Variants in SH3TC1 observed in about 807,000 individuals in gnomAD.
The protein encoded by SH3TC1 is SH3 domain and tetratricopeptide repeat-containing protein 1.
A neutral mutation model predicts 117.3 loss-of-function variants in SH3TC1; 135 were observed. The observed-to-expected ratio is 1.15, with a 90% CI of 1.00 to 1.33. The LOEUF is 1.33. Among genes scored for constraint, SH3TC1 ranks in the 40% most tolerant of loss-of-function variants. SH3TC1 has a pLI of 0.00. For synonymous variants in SH3TC1, 898 were observed against 816.9 expected (o/e 1.10, Z -1.69); for missense variants, 2,092 against 1,794.3 (o/e 1.17, Z -3.00).
At chr4:8,239,429 T>C (rs2152999623) in intron 17 of SH3TC1, among the ~76,000 whole-genome samples, 2 of 106,510 alleles carry the variant, frequency 1.9e-5, no homozygotes, top group South Asian at 5.5e-4. Context: ...CACAGGCACA[T>C]GCACACACAC....
chr4:8,190,197 T>C lies in SH3TC1; in HGVS notation c.-57+7987T>C, dbSNP rs1717373153. ...GCAGGGAGTCTGCAGGAATCCCCCT[T>C]GGAGCCCTCCTCCCCTCTGCCTGCT... On this transcript the variant is annotated intron_variant, in intron 1 of 16. Transcript: ENST00000508641. The surrounding 1 kb of genome is among the most constrained non-coding windows in gnomAD (Gnocchi z 4.7). Among the ~76,000 whole-genome samples the C allele has an allele frequency of 6.6e-6, 1 of 152,198 alleles. No individual in the cohort carries two copies. Among genetic ancestry groups the C allele is most frequent in the African/African-American group, 2.4e-5 (1 of 41,462 alleles).
intron 4 of SH3TC1, among the ~76,000 whole-genome samples, chr4:8,213,566 C>T (rs983579631): frequency 1.3e-5 from 2 of 152,160 alleles, no homozygotes; most frequent in Admixed American, 1.3e-4. Flanking sequence ...GGGTTTGAAT[C>T]TCAGCTGAGC....
intron 1 of SH3TC1, among the ~76,000 whole-genome samples, chr4:8,191,340 C>T (rs919737733): frequency 5.3e-5 from 8 of 152,204 alleles, no homozygotes; most frequent in East Asian, 1.9e-4. Flanking sequence ...AGCCCAGGCA[C>T]GAGAACTGCT....
At chr4:8,203,586 C>A (rs1441341043) in intron 1 of SH3TC1, among the ~76,000 whole-genome samples, 1 of 152,046 alleles carries the variant, frequency 6.6e-6, no homozygotes, top group Non-Finnish European at 1.5e-5. Flanking sequence ...CTAACGCAGG[C>A]CCAGCTTGCC....
At chr4:8,216,315 T>A in intron 6 of SH3TC1, 58 bp downstream of exon 6, 1 of 1,575,642 alleles carries the variant, frequency 6.3e-7, no homozygotes, top group Non-Finnish European at 8.6e-7. Context: ...TCCCGGGCCA[T>A]GGGGTGACAG....
Position 8,205,425 on chromosome 4 carries a change from C to T in SH3TC1, c.172+59C>T, listed in dbSNP as rs193042513. 379 of 1,532,096 alleles carry T rather than the reference C, an allele frequency of 2.5e-4. 5 individuals carry two copies. In the East Asian group the frequency reaches 7.6e-3, roughly 31 times the overall value. The allele number at this position is 1,532,096 out of a possible 1,614,324, so 94.9% of individuals were successfully genotyped here. A position where few individuals can be genotyped will look rare whatever the true frequency, so the allele number is the denominator to read the frequency against. On this transcript the variant is annotated intron_variant, in intron 2 of 17. Coordinates refer to ENST00000245105, the MANE Select transcript of SH3TC1 (RefSeq NM_018986.5). This position sits in a 1 kb window ranked among gnomAD's most constrained non-coding sequence, Gnocchi z 5.4. ...ATCCCACCCACTTCTCCACCCCACCCGCCCCGTCCATCCATCCCTCACCAC... is the reference window on the plus strand; with the variant it reads ...ATCCCACCCACTTCTCCACCCCACCTGCCCCGTCCATCCATCCCTCACCAC...
At chr4:8,238,210 G>T (rs991101189) in intron 17 of SH3TC1, among the ~76,000 whole-genome samples, 9 of 152,174 alleles carry the variant, frequency 5.9e-5, no homozygotes, top group African/African-American at 2.2e-4. Context: ...GTGGGGCGGG[G>T]CCGGTGTCTT....
rs767735149 is a variant in SH3TC1 at position 8,240,836 on chromosome 4, CTCT to C, written c.3899_3901del (p.Phe1300del). On this transcript the variant is annotated inframe_deletion, in exon 18 of 18. Coordinates refer to ENST00000245105, the MANE Select transcript of SH3TC1 (RefSeq NM_018986.5). ...CTTCCTCCTGGACCGTGAGAAGTCG[CTCT>C]TCTTCTACCAGAAGGCCAGGACCTT... 78 of 1,614,086 alleles carry C rather than the reference CTCT, an allele frequency of 4.8e-5. 1 individual carries two copies. Among genetic ancestry groups the C allele is most frequent in the East Asian group, 3.8e-4 (17 of 44,878 alleles).
intron 12 of SH3TC1, among the ~76,000 whole-genome samples, chr4:8,229,778 G>A (rs1352720357): frequency 2.6e-5 from 4 of 152,022 alleles, no homozygotes; most frequent in African/African-American, 7.3e-5. Context: ...CCAGAAACCC[G>A]GCACCCCAGC....
Position 8,209,920 on chromosome 4 carries a change from G to A in SH3TC1, c.247+98G>A, listed in dbSNP as rs1718506017. ...TCCAACCCAGGGCTTCTCAAAGTGT[G>A]GCCTCAGACTTCCCACCTTAAAATC... On this transcript the variant is annotated intron_variant, in intron 3 of 17. Transcript: ENST00000245105. The surrounding 1 kb of genome is among the most constrained non-coding windows in gnomAD (Gnocchi z 5.9). 3 of 1,223,614 alleles carry A rather than the reference G, an allele frequency of 2.5e-6. No homozygotes were observed. Among genetic ancestry groups the A allele is most frequent in the South Asian group, 2.7e-5 (2 of 73,348 alleles). The allele number at this position is 1,223,614 out of a possible 1,614,324, so 75.8% of individuals were successfully genotyped here.
Position 8,212,966 on chromosome 4 carries a change from T to A in SH3TC1, c.375+138T>A, listed in dbSNP as rs149980258. On this transcript the variant is annotated intron_variant, in intron 4 of 17. Coordinates refer to ENST00000245105, the MANE Select transcript of SH3TC1 (RefSeq NM_018986.5). ...GAGCCACTCAGGACAGTGGTGGCCT[T>A]GGAGGGGCGGCTGTGATACCCAGTG... 3.6e-4 allele frequency: 439 copies of A among 1,214,002 alleles called. 5 individuals are homozygous for A. The East Asian group carries it at 0.012, about 33-fold the overall frequency. The allele number at this position is 1,214,002 out of a possible 1,614,324, so 75.2% of individuals were successfully genotyped here. A position where few individuals can be genotyped will look rare whatever the true frequency, so the allele number is the denominator to read the frequency against.
chr4:8,198,043 A>C (rs1437758560), upstream of SH3TC1, among the ~76,000 whole-genome samples: 2 of 152,076 alleles, frequency 1.3e-5, no homozygotes, highest in Non-Finnish European at 2.9e-5. Flanking sequence ...GGAGGGGGCT[A>C]CTGGCATCCA....
intron 17 of SH3TC1, among the ~76,000 whole-genome samples, chr4:8,239,360 C>T (rs1410846828): frequency 6.6e-6 from 1 of 151,648 alleles, no homozygotes; most frequent in Admixed American, 6.6e-5. Context: ...CGCAAATGCA[C>T]ACAGGCACAC....
chr4:8,224,820 A>G (rs192645448), intron 10 of SH3TC1, among the ~76,000 whole-genome samples: 1 of 152,288 alleles, frequency 6.6e-6, no homozygotes, highest in Non-Finnish European at 1.5e-5. Flanking sequence ...CTCCCCACTG[A>G]TGATGGGAGG....
At chr4:8,214,021 CT>C (rs1400124451) in intron 4 of SH3TC1, among the ~76,000 whole-genome samples, 2 of 152,170 alleles carry the variant, frequency 1.3e-5, no homozygotes, top group African/African-American at 4.8e-5. Flanking sequence ...TTTCATGCCC[CT>C]ATCAACACTG....
chr4:8,233,040 T>C (rs1721389543), intron 13 of SH3TC1: 6 of 1,226,204 alleles, frequency 4.9e-6, no homozygotes, highest in Non-Finnish European at 6.2e-6. Context: ...TCGGCCTGGA[T>C]AGCATCTGAA....
intron 13 of SH3TC1, 182 bp from the exon 14 acceptor site, chr4:8,233,181 T>A: frequency 7.2e-7 from 1 of 1,397,580 alleles, no homozygotes; most frequent in Non-Finnish European, 9.3e-7. Flanking sequence ...TCCTTCGTCT[T>A]TTCCTTGCCG....
At chr4:8,185,536 A>C (rs1483629889) in intron 1 of SH3TC1, among the ~76,000 whole-genome samples, 1 of 152,138 alleles carries the variant, frequency 6.6e-6, no homozygotes, top group African/African-American at 2.4e-5. Flanking sequence ...TCACAAGTGC[A>C]AACAGATGCG....
At chr4:8,233,179 C>T in intron 13 of SH3TC1, 184 bp from the exon 14 acceptor site, 5 of 1,398,048 alleles carry the variant, frequency 3.6e-6, no homozygotes, top group Non-Finnish European at 3.7e-6. Flanking sequence ...TGTCCTTCGT[C>T]TTTTCCTTGC....
Sources: gnomAD v4.1 joint callset for allele counts (sites outside exome capture counted in the v4.1 genomes callset) on GRCh38, gnomAD v4.1.1 for gene constraint, Gnocchi (gnomAD v3.1) non-coding constraint, MANE v1.5 for transcripts, NCBI Gene and HGNC (gene_info 2026-07-23, HGNC 2026-07-21) for gene names.